SMARCC1: variants seen among roughly 807,000 people sequenced by gnomAD.
The protein encoded by SMARCC1 is SWI/SNF related BAF chromatin remodeling complex subunit C1, also known as SWI/SNF complex subunit SMARCC1.
Under a neutral mutation model 147.4 loss-of-function variants are expected in SMARCC1, and 43 were observed. The observed-to-expected ratio is 0.29, with a 90% confidence interval of 0.23 to 0.38. SMARCC1 has a LOEUF of 0.38. Among genes scored for constraint, SMARCC1 ranks in the 10% least tolerant of loss-of-function variants. The pLI is 1.00. For missense variants in SMARCC1, 1,119 were observed against 1,381.1 expected (o/e 0.81, Z 3.01); for synonymous variants, 495 against 484.4 (o/e 1.02, Z -0.29).
At chr3:47,612,361 T>C (rs1189432789) in intron 25 of SMARCC1, among the ~76,000 whole-genome samples, 2 of 152,192 alleles carry the variant, frequency 1.3e-5, no homozygotes, top group Non-Finnish European at 2.9e-5. Flanking sequence ...GTTGAGTGAC[T>C]ACTGGTCTGA....
Position 47,741,365 on chromosome 3 carries a change from A to T in SMARCC1, c.402-3255T>A, listed in dbSNP as rs188318615. 2.7e-5 allele frequency among the ~76,000 whole-genome samples: 4 copies of T among 150,422 alleles called. 1 individual carries two copies. In the East Asian group the frequency reaches 7.8e-4, roughly 29 times the overall value. On this transcript the variant is annotated intron_variant, in intron 3 of 27. Transcript: ENST00000254480. ...GGAAATTTGAACACTCAACGATTTA[A>T]TATTAAAAATTATTGCTAATTTTCA...
intron 11 of SMARCC1, among the ~76,000 whole-genome samples, chr3:47,694,332 G>T (rs775554373): frequency 4.6e-5 from 7 of 152,308 alleles, no homozygotes; most frequent in Non-Finnish European, 1.0e-4. Flanking sequence ...CAGGTGAGGT[G>T]GCTCATGCCT....
chr3:47,742,529 T>C (rs967565129), intron 3 of SMARCC1, among the ~76,000 whole-genome samples: 5 of 152,212 alleles, frequency 3.3e-5, no homozygotes, highest in Non-Finnish European at 5.9e-5. Context: ...AAGACACTCA[T>C]TGATTTTACC....
rs2033580268 is a variant in SMARCC1 at position 47,676,775 on chromosome 3, C to T, written c.1579G>A (p.Ala527Thr). Reference protein sequence around the residue: ...GDVCAVMRVHAFLEQWGLVNY... With the variant: ...GDVCAVMRVHTFLEQWGLVNY... ...ACGAGTCCCCACTGCTCTAAAAAGG[C>T]ATGGACCCTAAAGAATAAAGCTCGG... Residue 527 changes from alanine (A) to threonine (T), a missense_variant, in exon 17 of 28, where the codon GCC becomes ACC. Ala to Thr is a moderately conservative substitution (Grantham distance 58). Around this residue, in one of 6 missense-constraint regions of SMARCC1, gnomAD observed 178 missense variants for 264.6 expected, o/e 0.67. Transcript: ENST00000254480. 1 of 1,613,256 alleles carries T rather than the reference C, an allele frequency of 6.2e-7. No homozygotes were observed. Among genetic ancestry groups the T allele is most frequent in the Non-Finnish European group, 8.5e-7 (1 of 1,179,892 alleles).
intron 24 of SMARCC1, among the ~76,000 whole-genome samples, chr3:47,623,530 T>C (rs925955858): frequency 1.3e-5 from 2 of 152,154 alleles, no homozygotes; most frequent in Non-Finnish European, 2.9e-5. Flanking sequence ...TTCAGAAATG[T>C]AGACAAGAGG....
rs1022712164 is a variant in SMARCC1 at position 47,674,685 on chromosome 3, G to C, written c.1839+790C>G. The stretch of plus-strand genomic sequence containing the variant: ...TTTCAGTAGAGGCAAGGCTGCTCTT[G>C]AACTCCTGGCCTCAGACAACCCTAC... On this transcript the variant is annotated intron_variant, in intron 18 of 27. Transcript: ENST00000254480. 2.0e-5 allele frequency among the ~76,000 whole-genome samples: 3 copies of C among 152,120 alleles called. No individual in the cohort carries two copies. The East Asian group carries it at 5.8e-4, about 29-fold the overall frequency.
At chr3:47,781,577 CG>C in intron 1 of SMARCC1, 25 bp downstream of exon 1, 1 of 1,492,634 alleles carries the variant, frequency 6.7e-7, no homozygotes, top group Non-Finnish European at 8.9e-7. Context: ...CGTGGTCTCC[CG>C]GCCCCCACGG....
intron 26 of SMARCC1, among the ~76,000 whole-genome samples, chr3:47,606,284 T>C (rs1271180607): frequency 6.6e-6 from 1 of 152,230 alleles, no homozygotes; most frequent in Non-Finnish European, 1.5e-5. Context: ...CTGAATCTGC[T>C]ATAAATCCCC....
At chr3:47,765,735 ATT>A (rs796147596) in intron 2 of SMARCC1, among the ~76,000 whole-genome samples, 4 of 144,956 alleles carry the variant, frequency 2.8e-5, no homozygotes, top group Admixed American at 7.0e-5. Context: ...TTGCAAATTA[ATT>A]TTTTTTTTTT....
At chr3:47,596,272 T>C (rs2032280257) in intron 26 of SMARCC1, among the ~76,000 whole-genome samples, 1 of 152,032 alleles carries the variant, frequency 6.6e-6, no homozygotes, top group Non-Finnish European at 1.5e-5. Flanking sequence ...AGAAAATGTT[T>C]AAGAGATGGA....
At chr3:47,776,870 G>A (rs1472982530) in intron 1 of SMARCC1, among the ~76,000 whole-genome samples, 1 of 151,890 alleles carries the variant, frequency 6.6e-6, no homozygotes, top group Non-Finnish European at 1.5e-5. Context: ...CGCCTCCCGG[G>A]TTCAAGCAAT....
At chr3:47,708,233 G>A (rs943938110) in intron 9 of SMARCC1, among the ~76,000 whole-genome samples, 2 of 150,816 alleles carry the variant, frequency 1.3e-5, no homozygotes, top group Non-Finnish European at 3.0e-5. Flanking sequence ...TTAACCTCCT[G>A]GGCTCAATTG....
At chr3:47,743,531 T>C (rs566294786) in intron 3 of SMARCC1, among the ~76,000 whole-genome samples, 2 of 152,186 alleles carry the variant, frequency 1.3e-5, no homozygotes, top group South Asian at 4.1e-4. Context: ...TATTTCACTG[T>C]GGCCGGGCAT....
intron 26 of SMARCC1, among the ~76,000 whole-genome samples, chr3:47,606,729 C>G (rs1440379691): frequency 6.6e-6 from 1 of 152,160 alleles, no homozygotes; most frequent in Non-Finnish European, 1.5e-5. Context: ...GACAGGGTCT[C>G]ACTCTGTTGC....
At chr3:47,703,716 C>T (rs2033954650) in intron 10 of SMARCC1, among the ~76,000 whole-genome samples, 1 of 152,118 alleles carries the variant, frequency 6.6e-6, no homozygotes, top group East Asian at 1.9e-4. Context: ...GCTCAAAGTT[C>T]CCTTTGAGGG....
intron 2 of SMARCC1, 66 bp from the exon 3 acceptor site, chr3:47,746,059 T>C (rs1228793690): frequency 1.4e-5 from 14 of 1,013,278 alleles, no homozygotes; most frequent in Non-Finnish European, 1.6e-5. Context: ...ATGTCTTAAT[T>C]CTAAGTTTTA....
At position 47,725,000 on chromosome 3, in the gene SMARCC1, C is replaced by G. The variant is rs190444039; in HGVS notation, c.646+4025G>C. Among the ~76,000 whole-genome samples the G allele has an allele frequency of 1.7e-4, 23 of 132,850 alleles. No individual in the cohort carries two copies. The Admixed American group carries it at 1.8e-3, about 11-fold the overall frequency. The allele number at this position is 132,850 out of a possible 152,430, so 87.2% of individuals were successfully genotyped here. ...GGAGCCACGATCGCACCACTGCACT[C>G]CAGCCTAGGTAACAGAAAAAGACTG... On this transcript the variant is annotated intron_variant, in intron 6 of 27. Transcript: ENST00000254480.
At chr3:47,702,230 CAAAAA>C (rs200524652) in intron 10 of SMARCC1, among the ~76,000 whole-genome samples, 1 of 131,142 alleles carries the variant, frequency 7.6e-6, no homozygotes. Context: ...TCAGGGGGCT[CAAAAA>C]AAAAAAAAAA....
chr3:47,767,450 G>A (rs1429688915), intron 2 of SMARCC1, among the ~76,000 whole-genome samples: 4 of 135,420 alleles, frequency 3.0e-5, no homozygotes, highest in Non-Finnish European at 4.8e-5. Flanking sequence ...ATGTTGGTCA[G>A]GCTGGTCTCG....
Sources: gnomAD v4.1 joint callset for allele counts (sites outside exome capture counted in the v4.1 genomes callset) on GRCh38, gnomAD v4.1.1 for gene constraint, gnomAD v4.1.1 regional missense constraint, MANE v1.5 for transcripts, NCBI Gene and HGNC (gene_info 2026-07-23, HGNC 2026-07-21) for gene names.